Variants in CATSPERT observed in about 807,000 individuals in gnomAD.
The protein encoded by CATSPERT is catsper channel auxiliary subunit tau.
chr2:201,493,842 TG>T, the CATSPERT span: 11 of 1,536,016 alleles, frequency 7.2e-6, no homozygotes, highest in Admixed American at 1.8e-4. Context: ...TTTTTTTAAT[TG>T]GAAAATCTCT....
At chr2:201,571,997 A>G in the CATSPERT span, 1 of 1,613,172 alleles carries the variant, frequency 6.2e-7, no homozygotes, top group African/African-American at 1.3e-5. Context: ...TGGATGGCTC[A>G]GTAATTTTCT....
chr2:201,546,778 T>A, the CATSPERT span, among the ~76,000 whole-genome samples: 1 of 152,130 alleles, frequency 6.6e-6, no homozygotes, highest in African/African-American at 2.4e-5. Flanking sequence ...CCTTTATATA[T>A]ACCCCAGAGA....
chr2:201,524,149 A>G, the CATSPERT span, among the ~76,000 whole-genome samples: 3 of 152,144 alleles, frequency 2.0e-5, no homozygotes, highest in Non-Finnish European at 4.4e-5. Flanking sequence ...ATAGATGACC[A>G]TCCCCAAGAC....
At chr2:201,579,417 G>A in the CATSPERT span, among the ~76,000 whole-genome samples, 3 of 151,394 alleles carry the variant, frequency 2.0e-5, no homozygotes, top group African/African-American at 7.3e-5. Flanking sequence ...ATTTTTTGTG[G>A]GTGTTTTTTT....
the CATSPERT span, chr2:201,582,286 C>T: frequency 0.44 from 605,860 of 1,363,076 alleles, 138,229 homozygotes; most frequent in East Asian, 0.74. Context: ...CACATACATC[C>T]AATATACTAT....
the CATSPERT span, among the ~76,000 whole-genome samples, chr2:201,597,216 G>T: frequency 6.6e-6 from 1 of 152,088 alleles, no homozygotes; most frequent in Non-Finnish European, 1.5e-5. Flanking sequence ...AGAATTCTGG[G>T]ACTATTTAAT....
At chr2:201,511,857 A>AC in the CATSPERT span, 2 of 150,232 alleles carry the variant, frequency 1.3e-5, no homozygotes, top group South Asian at 2.1e-4. Flanking sequence ...AAAAAAAAAA[A>AC]AAAAAAAAAA....
the CATSPERT span, among the ~76,000 whole-genome samples, chr2:201,593,331 A>T: frequency 2.6e-5 from 4 of 151,530 alleles, no homozygotes; most frequent in Non-Finnish European, 5.9e-5. Context: ...GTTTGATTGC[A>T]CTGTGGTCTG....
the CATSPERT span, among the ~76,000 whole-genome samples, chr2:201,546,877 T>C: frequency 6.6e-6 from 1 of 152,092 alleles, no homozygotes; most frequent in Admixed American, 6.6e-5. Flanking sequence ...ACAAACTAAA[T>C]GCCCATCAGC....
chr2:201,602,315 C>G, the CATSPERT span, among the ~76,000 whole-genome samples: 2 of 152,026 alleles, frequency 1.3e-5, no homozygotes, highest in African/African-American at 2.4e-5. Context: ...TTCATTTATA[C>G]TATATTGGTC....
At chr2:201,491,202 T>G in the CATSPERT span, 1 of 1,535,594 alleles carries the variant, frequency 6.5e-7, no homozygotes, top group Non-Finnish European at 8.7e-7. Flanking sequence ...AGTGAAGCAG[T>G]GTCCTTGGAA....
chr2:201,507,305 T>C, the CATSPERT span, among the ~76,000 whole-genome samples: 1 of 152,074 alleles, frequency 6.6e-6, no homozygotes, highest in Non-Finnish European at 1.5e-5. Context: ...TACTAAAGAA[T>C]CAATCTAATA....
the CATSPERT span, among the ~76,000 whole-genome samples, chr2:201,561,383 A>G: frequency 6.6e-6 from 1 of 152,234 alleles, no homozygotes; most frequent in African/African-American, 2.4e-5. Context: ...CAAAAGGCAA[A>G]AAATAAAATC....
the CATSPERT span, among the ~76,000 whole-genome samples, chr2:201,561,532 A>G: frequency 5.1e-3 from 774 of 152,334 alleles, 7 homozygotes; most frequent in Admixed American, 0.011. Flanking sequence ...TATTCTATAC[A>G]TAATTAGTAT....
the CATSPERT span, chr2:201,582,244 A>C: frequency 5.7e-6 from 9 of 1,569,868 alleles, no homozygotes; most frequent in African/African-American, 6.9e-5. Flanking sequence ...ATAAGAAAAG[A>C]AGCATTAAAT....
At chr2:201,494,682 ATCTTT>A in the CATSPERT span, 3 of 1,534,820 alleles carry the variant, frequency 2.0e-6, no homozygotes, top group Non-Finnish European at 2.6e-6. Flanking sequence ...ATATATCTTG[ATCTTT>A]TCTTTTTCTG....
chr2:201,605,802 C>T, the CATSPERT span, among the ~76,000 whole-genome samples: 12 of 152,146 alleles, frequency 7.9e-5, no homozygotes, highest in Non-Finnish European at 1.5e-4. Context: ...TTTAAGCCTA[C>T]AATTAACAAT....
At chr2:201,536,520 T>A in the CATSPERT span, among the ~76,000 whole-genome samples, 1 of 151,914 alleles carries the variant, frequency 6.6e-6, no homozygotes. Flanking sequence ...TAGAATACTA[T>A]CCATAAAAAT....
the CATSPERT span, among the ~76,000 whole-genome samples, chr2:201,595,799 C>T: frequency 2.0e-5 from 3 of 150,068 alleles, no homozygotes; most frequent in Admixed American, 2.0e-4. Context: ...ATGTGGCCAA[C>T]AATCATGTGA....
Sources: gnomAD v4.1 joint callset for allele counts (sites outside exome capture counted in the v4.1 genomes callset) on GRCh38, gnomAD v4.1.1 for gene constraint, MANE v1.5 for transcripts, NCBI Gene and HGNC (gene_info 2026-07-23, HGNC 2026-07-21) for gene names.